FEZ1: variants seen among roughly 807,000 people sequenced by gnomAD.
The protein encoded by FEZ1 is fasciculation and elongation protein zeta-1.
FEZ1 carries 20 observed loss-of-function variants against 49.3 expected under a neutral mutation model. The observed-to-expected ratio is 0.41, with a 90% CI of 0.29 to 0.59. The LOEUF (loss-of-function observed/expected upper bound fraction) is 0.59. Among genes scored for constraint, FEZ1 ranks in the 20% least tolerant of loss-of-function variants. The pLI, the probability that FEZ1 is intolerant of heterozygous loss-of-function variation, is 0.36. For synonymous variants in FEZ1, 170 were observed against 180.9 expected, an observed-to-expected ratio of 0.94 and a Z score of 0.48; for missense variants, 413 against 476.0, an observed-to-expected ratio of 0.87 and a Z score of 1.23.
chr11:125,456,897 C>T (rs1718002757), intron 5 of FEZ1, among the ~76,000 whole-genome samples: 2 of 152,118 alleles, frequency 1.3e-5, no homozygotes, highest in African/African-American at 4.8e-5. Flanking sequence ...ACTTTATACA[C>T]TTTAGGCCAG....
chr11:125,454,872 G>A (rs1278776264), intron 6 of FEZ1, among the ~76,000 whole-genome samples: 1 of 151,612 alleles, frequency 6.6e-6, no homozygotes, highest in Non-Finnish European at 1.5e-5. Context: ...AAATTAGCCA[G>A]GCGTGGTGGT....
rs930379144 is a variant in FEZ1, at chr11:125,489,402, T to C, written c.311+65A>G. 5.9e-6 allele frequency: 9 copies of C among 1,532,232 alleles called. No homozygotes were observed. Among genetic ancestry groups the C allele is most frequent in the Non-Finnish European group, 7.9e-6 (9 of 1,143,876 alleles). The allele number at this position is 1,532,232 out of a possible 1,614,324, so 94.9% of individuals were successfully genotyped here. Reference sequence around the variant, plus strand: ...AACCTATAGACAGAAACCAGCACTATGTCAAGGAGACAAGGACTACAGGGC... The same window carrying C: ...AACCTATAGACAGAAACCAGCACTACGTCAAGGAGACAAGGACTACAGGGC... On this transcript the variant is annotated intron_variant, in intron 2 of 9. Transcript: ENST00000278919. The surrounding 1 kb of genome is among the most constrained non-coding windows in gnomAD (Gnocchi z 4.2).
chr11:125,481,412 G>A, intron 3 of FEZ1, 122 bp downstream of exon 3: 1 of 766,482 alleles, frequency 1.3e-6, no homozygotes, highest in South Asian at 1.4e-5. Context: ...GTCTCCCAAA[G>A]CTGAGATTAC....
intron 1 of FEZ1, among the ~76,000 whole-genome samples, chr11:125,492,777 T>C (rs1412437403): frequency 6.6e-6 from 1 of 152,126 alleles, no homozygotes; most frequent in East Asian, 1.9e-4. Context: ...ATGTGCAGAA[T>C]ATAGAAAGCA....
At chr11:125,493,203 A>T (rs1267461494) in intron 1 of FEZ1, among the ~76,000 whole-genome samples, 1 of 149,990 alleles carries the variant, frequency 6.7e-6, no homozygotes, top group African/African-American at 2.5e-5. Context: ...GCATGGTGGC[A>T]GGTGCCTGTA....
chr11:125,483,039 T>C (rs3016282), intron 2 of FEZ1, among the ~76,000 whole-genome samples: 101,041 of 146,044 alleles, frequency 0.69, 35,557 homozygotes, highest in East Asian at 0.93. Flanking sequence ...TAGGGCTCTA[T>C]GCTGCACTCT....
intron 2 of FEZ1, among the ~76,000 whole-genome samples, chr11:125,487,525 T>C (rs577576557): frequency 1.3e-5 from 2 of 152,324 alleles, no homozygotes; most frequent in African/African-American, 4.8e-5. Flanking sequence ...CCATTCTTTT[T>C]TGACTTATAA....
chr11:125,495,613 G>C lies in FEZ1; in HGVS notation c.-46+508C>G. ...CTGGGGAGGGGCACGAGCGGGGTCG[G>C]GGGTAAGTTTTTAGGGACAAAGATG... On this transcript the variant is annotated intron_variant, in intron 1 of 9. Transcript: ENST00000278919. The surrounding 1 kb of genome is among the most constrained non-coding windows in gnomAD (Gnocchi z 4.2). 1 of 465,402 alleles carries C rather than the reference G, an allele frequency of 2.1e-6. No homozygotes were observed. The highest frequency in any genetic ancestry group is 1.6e-5 in the South Asian group (1 of 64,186). The allele number at this position is 465,402 out of a possible 1,614,324, so 28.8% of individuals were successfully genotyped here.
At chr11:125,484,159 A>C (rs1957307671) in intron 2 of FEZ1, among the ~76,000 whole-genome samples, 1 of 152,248 alleles carries the variant, frequency 6.6e-6, no homozygotes, top group Non-Finnish European at 1.5e-5. Flanking sequence ...CCATTTAACA[A>C]TAACAATAGC....
At chr11:125,466,379 G>T (rs1025373263) in intron 3 of FEZ1, among the ~76,000 whole-genome samples, 1 of 152,118 alleles carries the variant, frequency 6.6e-6, no homozygotes, top group Non-Finnish European at 1.5e-5. Context: ...TCAGGAGGCT[G>T]AGGTGGGAGG....
At chr11:125,456,840 T>C (rs1043076715) in intron 5 of FEZ1, among the ~76,000 whole-genome samples, 1 of 152,224 alleles carries the variant, frequency 6.6e-6, no homozygotes, top group Non-Finnish European at 1.5e-5. Context: ...TTATATATTT[T>C]CATAGTTGAG....
chr11:125,452,476 C>T (rs1956966850), intron 7 of FEZ1, 67 bp from the exon 8 acceptor site: 17 of 1,047,112 alleles, frequency 1.6e-5, no homozygotes, highest in Non-Finnish European at 2.2e-5. Flanking sequence ...TGAGATTTAG[C>T]CTTTCTCTAA....
At chr11:125,482,266 G>A (rs1231429404) in intron 2 of FEZ1, among the ~76,000 whole-genome samples, 4 of 152,126 alleles carry the variant, frequency 2.6e-5, no homozygotes, top group East Asian at 1.9e-4. Context: ...TCGAACCCAC[G>A]GGTTGCAAGA....
chr11:125,458,555 C>T (rs976337403), intron 5 of FEZ1, among the ~76,000 whole-genome samples: 3 of 152,124 alleles, frequency 2.0e-5, no homozygotes, highest in Non-Finnish European at 4.4e-5. Flanking sequence ...TGATTCTCCC[C>T]GTTGAAAATA....
intron 4 of FEZ1, 54 bp from the exon 5 acceptor site, chr11:125,460,720 C>T: frequency 6.5e-7 from 1 of 1,535,646 alleles, no homozygotes; most frequent in Admixed American, 1.8e-5. Context: ...GAGGGGCATT[C>T]TGGCTTGAAT....
At chr11:125,450,670 TAAAAGCAATA>T (rs1263518584) in intron 8 of FEZ1, among the ~76,000 whole-genome samples, 1 of 152,080 alleles carries the variant, frequency 6.6e-6, no homozygotes, top group African/African-American at 2.4e-5. Context: ...GTTTTTTTTC[TAAAAGCAATA>T]AAATGTTGGA....
At position 125,463,579 on chromosome 11, in the gene FEZ1, G is replaced by T. The variant is rs754485192; in HGVS notation, c.412-9C>A. 5 of 1,560,958 alleles carry T rather than the reference G, an allele frequency of 3.2e-6. No homozygotes were observed. The highest frequency in any genetic ancestry group is 4.4e-6 in the Non-Finnish European group (5 of 1,131,838). On this transcript the variant is annotated splice_polypyrimidine_tract_variant and intron_variant, in intron 3 of 9. Transcript: ENST00000278919. ...TCTTCTTTCTCATGGATCTGGAGAG[G>T]AGGTGGGGAGATGGAATTCTGGGTG...
chr11:125,445,948 G>A lies in FEZ1; in HGVS notation c.*147C>T. On this transcript the variant is annotated 3_prime_UTR_variant, in exon 10 of 10. Coordinates refer to ENST00000278919, the MANE Select transcript of FEZ1 (RefSeq NM_005103.5). This position sits in a 1 kb window ranked among gnomAD's most constrained non-coding sequence, Gnocchi z 4.4. ...CTAGCACTAGAAGCCAACGGCAAAG[G>A]ACCCCGCGCGCTTGCTCGTGTTTAA... 1.2e-6 allele frequency: 1 copy of A among 817,084 alleles called. No individual in the cohort carries two copies. Among genetic ancestry groups the A allele is most frequent in the Non-Finnish European group, 2.1e-6 (1 of 466,210 alleles). 50.6% of individuals were successfully genotyped at this position (817,084 alleles called of 1,614,324 possible).
At chr11:125,449,405 A>T (rs1271447629) in intron 8 of FEZ1, among the ~76,000 whole-genome samples, 1 of 85,462 alleles carries the variant, frequency 1.2e-5, no homozygotes, top group Non-Finnish European at 2.2e-5. Flanking sequence ...ACATAGCAAG[A>T]CTTTGTCTCT....
Sources: allele counts gnomAD v4.1 joint callset (sites outside exome capture counted in the v4.1 genomes callset), GRCh38; gene constraint gnomAD v4.1.1; non-coding constraint Gnocchi (gnomAD v3.1); transcripts MANE v1.5; gene names NCBI Gene and HGNC (gene_info 2026-07-23, HGNC 2026-07-21).